Variants in MACROD2 observed in about 807,000 individuals in gnomAD.
MACROD2 encodes the protein ADP-ribose glycohydrolase MACROD2.
MACROD2 carries 36 observed loss-of-function variants against 70.4 expected under a neutral mutation model. That is an observed-to-expected ratio of 0.51 (90% CI 0.39 to 0.68). The LOEUF is 0.68. Among genes scored for constraint, MACROD2 ranks in the 30% least tolerant of loss-of-function variants. MACROD2 has a pLI of 0.00. For synonymous variants in MACROD2, 172 were observed against 178.8 expected (o/e 0.96, Z 0.30); for missense variants, 496 against 538.4 (o/e 0.92, Z 0.78).
chr20:14,955,874 G>A (rs181676381), intron 5 of MACROD2, among the ~76,000 whole-genome samples: 189 of 152,294 alleles, frequency 1.2e-3, no homozygotes, highest in Middle Eastern at 3.4e-3. Context: ...CAGGGAAGGA[G>A]AAGGACCCAC....
intron 3 of MACROD2, among the ~76,000 whole-genome samples, chr20:14,092,708 A>G (rs1024595502): frequency 1.3e-5 from 2 of 152,200 alleles, no homozygotes; most frequent in African/African-American, 4.8e-5. Flanking sequence ...GGATAATACT[A>G]GTAATTAAGA....
intron 8 of MACROD2, among the ~76,000 whole-genome samples, chr20:15,615,211 G>A (rs191964484): frequency 6.6e-6 from 1 of 152,330 alleles, no homozygotes; most frequent in East Asian, 1.9e-4. Context: ...GGATGGAAGA[G>A]CTTTTGAAGA....
At chr20:14,201,558 C>A (rs779585271) in intron 3 of MACROD2, among the ~76,000 whole-genome samples, 76 of 152,082 alleles carry the variant, frequency 5.0e-4, no homozygotes, top group Non-Finnish European at 9.3e-4. Flanking sequence ...AAACTGAGAA[C>A]AAGACAGGCG....
chr20:15,113,287 A>G (rs1209900521), intron 5 of MACROD2, among the ~76,000 whole-genome samples: 3 of 152,198 alleles, frequency 2.0e-5, no homozygotes, highest in African/African-American at 7.2e-5. Flanking sequence ...TAGCTGAGAA[A>G]ATAGCACTGC....
intron 12 of MACROD2, among the ~76,000 whole-genome samples, chr20:15,951,377 C>G (rs1470845837): frequency 1.3e-5 from 2 of 150,460 alleles, no homozygotes; most frequent in Non-Finnish European, 3.0e-5. Flanking sequence ...AGAAAGAGCA[C>G]AGGGGAAGAT....
intron 6 of MACROD2, among the ~76,000 whole-genome samples, chr20:15,347,466 T>C (rs2078179215): frequency 6.6e-6 from 1 of 152,152 alleles, no homozygotes; most frequent in South Asian, 2.1e-4. Context: ...TGAGGATCCA[T>C]ATTCAGGAAC....
chr20:15,306,978 C>G (rs1376756289), intron 6 of MACROD2, among the ~76,000 whole-genome samples: 1 of 152,084 alleles, frequency 6.6e-6, no homozygotes, highest in African/African-American at 2.4e-5. Flanking sequence ...CAGAGGGGAG[C>G]AGGCATGTCA....
chr20:14,271,944 A>C (rs1034703149), intron 3 of MACROD2, among the ~76,000 whole-genome samples: 2 of 152,156 alleles, frequency 1.3e-5, no homozygotes, highest in Admixed American at 6.5e-5. Flanking sequence ...AGTTTAGAGA[A>C]AAAAGAATAA....
At chr20:16,024,514 GACACACACACAC>G (rs918559866) in intron 15 of MACROD2, among the ~76,000 whole-genome samples, 2 of 112,528 alleles carry the variant, frequency 1.8e-5, no homozygotes, top group Non-Finnish European at 4.0e-5. Context: ...CACACACACA[GACACACACACAC>G]ACAGACACAC....
chr20:15,181,922 ATGCTC>A (rs1456430708), intron 5 of MACROD2, among the ~76,000 whole-genome samples: 3 of 152,226 alleles, frequency 2.0e-5, no homozygotes, highest in East Asian at 1.9e-4. Context: ...AATCCAGTGA[ATGCTC>A]TGCTCAAAGA....
chr20:14,243,800 T>A (rs764510001), intron 3 of MACROD2, among the ~76,000 whole-genome samples: 2 of 152,256 alleles, frequency 1.3e-5, no homozygotes, highest in Non-Finnish European at 2.9e-5. Flanking sequence ...ATTATATATC[T>A]CTTTTCCTTA....
intron 5 of MACROD2, among the ~76,000 whole-genome samples, chr20:14,821,928 T>C (rs994800635): frequency 6.6e-6 from 1 of 152,144 alleles, no homozygotes; most frequent in Middle Eastern, 3.2e-3. Context: ...TGCCTCAGAC[T>C]GGTCCTTCTA....
chr20:14,631,013 A>G (rs1984477374), intron 4 of MACROD2, among the ~76,000 whole-genome samples: 1 of 152,156 alleles, frequency 6.6e-6, no homozygotes, highest in African/African-American at 2.4e-5. Flanking sequence ...TTTGGAATTT[A>G]TCAGTACATT....
chr20:15,021,085 T>TACAC (rs1568534460), intron 5 of MACROD2, among the ~76,000 whole-genome samples: 7 of 129,796 alleles, frequency 5.4e-5, no homozygotes, highest in African/African-American at 2.1e-4. Context: ...TGTATGTGTA[T>TACAC]ACACGTGTAT....
intron 8 of MACROD2, among the ~76,000 whole-genome samples, chr20:15,519,956 G>A (rs1022174995): frequency 2.0e-5 from 3 of 152,212 alleles, no homozygotes; most frequent in Non-Finnish European, 2.9e-5. Context: ...TGGCAAAGTC[G>A]AGGAGAAGCC....
chr20:15,062,472 G>A (rs2075540644), intron 5 of MACROD2, among the ~76,000 whole-genome samples: 1 of 151,848 alleles, frequency 6.6e-6, no homozygotes, highest in Admixed American at 6.6e-5. Flanking sequence ...CCATTTCCCA[G>A]CAGGACTAGA....
chr20:14,768,010 T>A (rs963570456), intron 5 of MACROD2, among the ~76,000 whole-genome samples: 1 of 152,132 alleles, frequency 6.6e-6, no homozygotes, highest in Non-Finnish European at 1.5e-5. Flanking sequence ...GGTGTATATG[T>A]GCCACATTTT....
intron 10 of MACROD2, among the ~76,000 whole-genome samples, chr20:15,915,142 A>C (rs1423516761): frequency 6.6e-6 from 1 of 152,050 alleles, no homozygotes; most frequent in South Asian, 2.1e-4. Flanking sequence ...TGACATTGGC[A>C]TGATTGATGA....
chr20:14,634,731 A>C (rs1243542993), intron 4 of MACROD2, among the ~76,000 whole-genome samples: 1 of 152,162 alleles, frequency 6.6e-6, no homozygotes. Context: ...TTTTATTGTT[A>C]AGATATCCAA....
Sources: allele counts gnomAD v4.1 joint callset (sites outside exome capture counted in the v4.1 genomes callset), GRCh38; gene constraint gnomAD v4.1.1; transcripts MANE v1.5; gene names NCBI Gene and HGNC (gene_info 2026-07-23, HGNC 2026-07-21).